The following MUSK variants were observed in gnomAD, a reference collection of about 807,000 sequenced individuals.
MUSK encodes muscle, skeletal receptor tyrosine-protein kinase.
A neutral mutation model predicts 88.7 loss-of-function variants in MUSK; 55 were observed. The ratio of observed to expected loss-of-function variants is 0.62; its 90% CI spans 0.50 to 0.78. MUSK has a LOEUF of 0.78. Among genes scored for constraint, MUSK ranks in the 30% least tolerant of loss-of-function variants. The probability of loss-of-function intolerance (pLI) is 0.00; values close to 1 mark genes in which losing one functional copy is unlikely to be tolerated. For synonymous variants in MUSK, 387 were observed against 391.9 expected (o/e 0.99, Z 0.15); for missense variants, 1,015 against 1,074.3 (o/e 0.94, Z 0.77).
rs1263670735 is a variant in MUSK, at chr9:110,734,335, T to C, written c.713T>C (p.Ile238Thr). 1.2e-6 allele frequency: 2 copies of C among 1,613,144 alleles called. No individual in the cohort carries two copies. The highest frequency in any genetic ancestry group is 1.7e-6 in the Non-Finnish European group (2 of 1,179,484). Residue 238 changes from isoleucine (I) to threonine (T), a missense_variant, in exon 6 of 15, where the codon ATT (isoleucine) becomes ACT (threonine). By Grantham distance (89) the Ile-to-Thr change is moderately conservative. Coordinates refer to ENST00000374448, the MANE Select transcript of MUSK (RefSeq NM_005592.4). ...ACCCTGCACTGTACAGCAACAGGCA[T>C]TCCTGTCCCCACCATCACCTGGATT... ...FVTLHCTATG[I>T]PVPTITWIEN...
rs781602891 is a variant in MUSK, at chr9:110,728,701, C to G, written c.629-5550C>G. On this transcript the variant is annotated intron_variant, in intron 5 of 14. Coordinates refer to ENST00000374448, the MANE Select transcript of MUSK (RefSeq NM_005592.4). ...TTTTATTAACAGAAGAAAGTGAACCCGAACAAGATACTAAAGGTATTTTTT... is the reference window on the plus strand; with the variant it reads ...TTTTATTAACAGAAGAAAGTGAACCGGAACAAGATACTAAAGGTATTTTTT... 15 of 1,584,478 alleles carry G rather than the reference C, an allele frequency of 9.5e-6. No individual in the cohort carries two copies. In the South Asian group the frequency reaches 1.7e-4, roughly 18 times the overall value.
chr9:110,685,091 T>C (rs766610972), intron 2 of MUSK, among the ~76,000 whole-genome samples: 1 of 152,114 alleles, frequency 6.6e-6, no homozygotes, highest in Non-Finnish European at 1.5e-5. Context: ...ATGATACTAC[T>C]AGCTGTGGGT....
chr9:110,764,582 T>TTAGA (rs200612115), intron 8 of MUSK, among the ~76,000 whole-genome samples: 6 of 149,410 alleles, frequency 4.0e-5, no homozygotes, highest in East Asian at 2.0e-4. Context: ...ATATATAAAT[T>TTAGA]TAGATAGATA....
rs567690807 is a variant in MUSK, at chr9:110,804,090, C to T, written c.*3102C>T. Among the ~76,000 whole-genome samples, 3 of 152,074 alleles carry T rather than the reference C, an allele frequency of 2.0e-5. No individual in the cohort carries two copies. The highest frequency in any genetic ancestry group is 4.8e-5 in the African/African-American group (2 of 41,412). ...TACAGTATATTACGAACCTGTTCCA[C>T]GTCATTAAATATTCTTCTAAAAACC... On this transcript the variant is annotated 3_prime_UTR_variant, in exon 15 of 15. Coordinates refer to ENST00000374448, the MANE Select transcript of MUSK (RefSeq NM_005592.4).
At chr9:110,758,211 G>A (rs906256017) in intron 7 of MUSK, among the ~76,000 whole-genome samples, 1 of 152,156 alleles carries the variant, frequency 6.6e-6, no homozygotes, top group Non-Finnish European at 1.5e-5. Flanking sequence ...TGATCCTCCT[G>A]CCTGGGTCTC....
intron 3 of MUSK, among the ~76,000 whole-genome samples, chr9:110,689,833 T>C (rs1223992980): frequency 2.0e-5 from 2 of 98,218 alleles, no homozygotes; most frequent in Non-Finnish European, 3.5e-5. Context: ...TATATAAATA[T>C]GTAACTATAT....
intron 7 of MUSK, among the ~76,000 whole-genome samples, chr9:110,752,250 A>G (rs777755391): frequency 5.9e-4 from 90 of 152,166 alleles, no homozygotes; most frequent in Non-Finnish European, 2.9e-4. Flanking sequence ...TCCCTCTGGA[A>G]TCACTGAGGA....
At chr9:110,670,327 C>T (rs565979773) in intron 1 of MUSK, among the ~76,000 whole-genome samples, 3 of 152,182 alleles carry the variant, frequency 2.0e-5, no homozygotes, top group Non-Finnish European at 2.9e-5. Context: ...GGTAAGGCCC[C>T]ACCTGGATGT....
intron 4 of MUSK, among the ~76,000 whole-genome samples, chr9:110,696,476 A>C (rs757392201): frequency 1.9e-4 from 29 of 152,264 alleles, no homozygotes; most frequent in African/African-American, 7.0e-4. Context: ...CTTTATGTCA[A>C]TTAACTGAAC....
At chr9:110,708,505 AC>A (rs1288978846) in intron 5 of MUSK, among the ~76,000 whole-genome samples, 1 of 152,190 alleles carries the variant, frequency 6.6e-6, no homozygotes, top group African/African-American at 2.4e-5. Context: ...TGAAAACCAA[AC>A]AAAGAAAAAA....
chr9:110,717,693 T>G (rs1171769513), intron 5 of MUSK, among the ~76,000 whole-genome samples: 3 of 150,010 alleles, frequency 2.0e-5, no homozygotes, highest in Non-Finnish European at 4.4e-5. Context: ...ATGCCACTAT[T>G]TTACCCTGAT....
rs769926706 is a variant in MUSK, at chr9:110,734,100, C to T, written c.629-151C>T. On this transcript the variant is annotated intron_variant, in intron 5 of 14. Coordinates refer to ENST00000374448, the MANE Select transcript of MUSK (RefSeq NM_005592.4). ...TTATAACATAAAGGGCTTGGAGGCT[C>T]GGCCATGGCATGTGGTATTATCCTT... 8.3e-5 allele frequency: 67 copies of T among 804,778 alleles called. 1 individual carries two copies. Among genetic ancestry groups the T allele is most frequent in the East Asian group, 3.6e-4 (13 of 36,498 alleles). The allele number at this position is 804,778 out of a possible 1,614,324, so 49.9% of individuals were successfully genotyped here.
chr9:110,708,607 A>G (rs986478735), intron 5 of MUSK, among the ~76,000 whole-genome samples: 1 of 152,126 alleles, frequency 6.6e-6, no homozygotes, highest in Non-Finnish European at 1.5e-5. Context: ...GAGGAGCTTG[A>G]CCCATTGATT....
chr9:110,786,685 G>A (rs1239165243), intron 13 of MUSK, among the ~76,000 whole-genome samples: 1 of 152,026 alleles, frequency 6.6e-6, no homozygotes, highest in African/African-American at 2.4e-5. Flanking sequence ...GAATAAAAAG[G>A]CAAAAATTTA....
rs991886956 is a variant in MUSK, at chr9:110,747,636, G to C, written c.754-5G>C. ...GAGTTCTTTTATTTTCCTTTACTCT[G>C]TCAGGTTTCTTCTGGGTCCATTCAA... On this transcript the variant is annotated splice_polypyrimidine_tract_variant and splice_region_variant and intron_variant, in intron 6 of 14. Transcript: ENST00000374448. 1 of 1,608,420 alleles carries C rather than the reference G, an allele frequency of 6.2e-7. No homozygotes were observed. Among genetic ancestry groups the C allele is most frequent in the African/African-American group, 1.3e-5 (1 of 74,922 alleles).
intron 3 of MUSK, among the ~76,000 whole-genome samples, chr9:110,691,628 A>G (rs753921563): frequency 7.2e-5 from 11 of 152,238 alleles, no homozygotes; most frequent in Admixed American, 2.0e-4. Context: ...CAAACTGTCA[A>G]TCTTACAATG....
intron 1 of MUSK, among the ~76,000 whole-genome samples, chr9:110,671,140 T>G (rs941452148): frequency 6.6e-6 from 1 of 152,062 alleles, no homozygotes; most frequent in African/African-American, 2.4e-5. Flanking sequence ...CTCGGCTAAT[T>G]TTTATATTTT....
In MUSK at chr9:110,695,474, AC is replaced by A; in HGVS notation, c.431del (p.Thr144LysfsTer12). 1 of 1,561,072 alleles carries A rather than the reference AC, an allele frequency of 6.4e-7. No homozygotes were observed. Among genetic ancestry groups the A allele is most frequent in the Non-Finnish European group, 8.7e-7 (1 of 1,147,894 alleles). Reference protein sequence around the residue: ...EGLKAVLPCTTMGNPKPSVSW... With the variant: ...EGLKAVLPCTXMGNPKPSVSW... ...ATTAAAAGCAGTCCTACCATGTACT[AC>A]AATGGGTAATCCCAAACCATCAGTG... On this transcript the variant is annotated frameshift_variant, in exon 4 of 15. Coordinates refer to ENST00000374448, the MANE Select transcript of MUSK (RefSeq NM_005592.4). LOFTEE classifies it high-confidence loss of function.
intron 5 of MUSK, among the ~76,000 whole-genome samples, chr9:110,719,386 G>A (rs1024674543): frequency 1.3e-5 from 2 of 152,012 alleles, no homozygotes; most frequent in African/African-American, 4.8e-5. Flanking sequence ...AGGTAAAGGG[G>A]TAGAAAAACA....
Sources: gnomAD v4.1 joint callset for allele counts (sites outside exome capture counted in the v4.1 genomes callset) on GRCh38, gnomAD v4.1.1 for gene constraint, MANE v1.5 for transcripts, NCBI Gene and HGNC (gene_info 2026-07-23, HGNC 2026-07-21) for gene names.